The following CCDC30 variants were observed in gnomAD, a reference collection of about 807,000 sequenced individuals.
The protein encoded by CCDC30 is coiled-coil domain-containing protein 30.
Under a neutral mutation model 100.2 loss-of-function variants are expected in CCDC30, and 70 were observed. The observed-to-expected ratio is 0.70, with a 90% CI of 0.58 to 0.85. The LOEUF (loss-of-function observed/expected upper bound fraction) is 0.85, where lower values mean the gene tolerates loss of function less well. CCDC30 is among the 40% of genes least tolerant of loss of function. The pLI, the probability that CCDC30 is intolerant of heterozygous loss-of-function variation, is 0.00. For missense variants in CCDC30, 652 were observed against 771.2 expected (o/e 0.85, Z 1.83); for synonymous variants, 233 against 269.5 (o/e 0.86, Z 1.33).
chr1:42,500,879 G>A (rs11805616), intron 6 of CCDC30, among the ~76,000 whole-genome samples: 57,601 of 151,892 alleles, frequency 0.38, 11,351 homozygotes, highest in East Asian at 0.59. Flanking sequence ...TGCATAAGCC[G>A]CTACACCTGG....
At chr1:42,574,706 A>G (rs1367838699) in intron 7 of CCDC30, among the ~76,000 whole-genome samples, 1 of 152,182 alleles carries the variant, frequency 6.6e-6, no homozygotes, top group Non-Finnish European at 1.5e-5. Flanking sequence ...TCAGACCTTG[A>G]TTCTATCATC....
chr1:42,650,477 C>A (rs911957774), intron 15 of CCDC30, among the ~76,000 whole-genome samples: 2 of 144,752 alleles, frequency 1.4e-5, no homozygotes, highest in Non-Finnish European at 3.0e-5. Context: ...CAGAACAAGA[C>A]CCTGTCTAAA....
At chr1:42,575,666 A>AAAAAAGAAG (rs1476216135) in intron 7 of CCDC30, among the ~76,000 whole-genome samples, 3 of 150,226 alleles carry the variant, frequency 2.0e-5, no homozygotes, top group Non-Finnish European at 4.5e-5. Context: ...AAAGAAGCAA[A>AAAAAAGAAG]CAAACAAAAA....
intron 3 of CCDC30, 87 bp downstream of exon 3, chr1:42,482,903 ACACTGAG>A: frequency 1.2e-6 from 1 of 858,508 alleles, no homozygotes; most frequent in Non-Finnish European, 1.5e-6. Context: ...AAAAAAAAAA[ACACTGAG>A]AAACAAGTCT....
intron 6 of CCDC30, among the ~76,000 whole-genome samples, chr1:42,549,661 T>A (rs1027046665): frequency 5.9e-5 from 9 of 152,192 alleles, no homozygotes; most frequent in Non-Finnish European, 1.0e-4. Flanking sequence ...TCTAGAACAA[T>A]GCCAGACACA....
At chr1:42,568,470 G>A (rs960414967) in intron 7 of CCDC30, among the ~76,000 whole-genome samples, 4 of 152,158 alleles carry the variant, frequency 2.6e-5, no homozygotes, top group South Asian at 2.1e-4. Context: ...AGCACTTTAT[G>A]GATGAGGAAA....
chr1:42,518,411 G>A (rs1416714895), intron 6 of CCDC30, among the ~76,000 whole-genome samples: 1 of 152,156 alleles, frequency 6.6e-6, no homozygotes, highest in African/African-American at 2.4e-5. Flanking sequence ...TGCAAACAGA[G>A]ATATCGTTAT....
chr1:42,610,888 T>C (rs77804103), intron 10 of CCDC30, 90 bp from the exon 15 acceptor site: 2 of 515,110 alleles, frequency 3.9e-6, no homozygotes, highest in South Asian at 5.7e-5. Flanking sequence ...TATAAGCTTT[T>C]TTTTTTTTTT....
At chr1:42,628,872 A>G (rs1374164437) in intron 11 of CCDC30, among the ~76,000 whole-genome samples, 1 of 152,232 alleles carries the variant, frequency 6.6e-6, no homozygotes, top group Non-Finnish European at 1.5e-5. Context: ...TAACGTGATT[A>G]CAACTTAATA....
intron 6 of CCDC30, chr1:42,545,527 C>A (rs757929731): frequency 6.2e-7 from 1 of 1,604,348 alleles, no homozygotes; most frequent in Admixed American, 1.7e-5. Flanking sequence ...ATCTAATGAA[C>A]CAATTTTGGA....
chr1:42,525,440 A>G (rs1293771334), intron 6 of CCDC30, among the ~76,000 whole-genome samples: 3 of 152,072 alleles, frequency 2.0e-5, no homozygotes, highest in African/African-American at 7.2e-5. Context: ...TCACTCATTT[A>G]AAGTGTTGAA....
chr1:42,458,961 T>A (rs1281898555), upstream of CCDC30, among the ~76,000 whole-genome samples: 1 of 152,216 alleles, frequency 6.6e-6, no homozygotes, highest in Non-Finnish European at 1.5e-5. Flanking sequence ...TTCTGCCAAA[T>A]ATTTGTATGA....
chr1:42,502,207 T>G (rs555903616), intron 6 of CCDC30, among the ~76,000 whole-genome samples: 10 of 152,268 alleles, frequency 6.6e-5, no homozygotes, highest in African/African-American at 1.4e-4. Context: ...GATCTCAGAC[T>G]GCTGTGCTAG....
intron 6 of CCDC30, among the ~76,000 whole-genome samples, chr1:42,545,044 C>T (rs1645094307): frequency 6.7e-6 from 1 of 148,902 alleles, no homozygotes. Flanking sequence ...AACTTGAAAA[C>T]AAAAATGTGT....
chr1:42,653,199 G>A (rs984187688), intron 15 of CCDC30, among the ~76,000 whole-genome samples, 177 bp from the exon 20 acceptor site: 4 of 151,916 alleles, frequency 2.6e-5, no homozygotes, highest in African/African-American at 9.7e-5. Context: ...ATATAGATAG[G>A]TTATATATAT....
intron 11 of CCDC30, among the ~76,000 whole-genome samples, chr1:42,634,555 T>C (rs921739513): frequency 1.3e-5 from 2 of 152,224 alleles, no homozygotes; most frequent in African/African-American, 4.8e-5. Context: ...TCTTTTTGTT[T>C]GTATCGCACT....
Position 42,545,489 on chromosome 1 carries a change from C to A in CCDC30, c.457-20807C>A, listed in dbSNP as rs370695814. On this transcript the variant is annotated intron_variant, in intron 6 of 16. Transcript: ENST00000668663. ...AAAACTGCACCTTCTAATTTAATTA[C>A]AAGTGAAAATACCTGTAAAGATCCT... 45 of 1,603,658 alleles carry A rather than the reference C, an allele frequency of 2.8e-5. No individual in the cohort carries two copies. The highest frequency in any genetic ancestry group is 3.6e-5 in the Non-Finnish European group (42 of 1,176,230).
intron 11 of CCDC30, among the ~76,000 whole-genome samples, chr1:42,611,740 G>C (rs1028689330): frequency 6.6e-6 from 1 of 151,920 alleles, no homozygotes; most frequent in Admixed American, 6.6e-5. Flanking sequence ...GGAGTGTCAC[G>C]ATCACAACTC....
At chr1:42,542,244 TAC>T (rs1008236776) in intron 6 of CCDC30, among the ~76,000 whole-genome samples, 1 of 152,238 alleles carries the variant, frequency 6.6e-6, no homozygotes, top group Non-Finnish European at 1.5e-5. Context: ...ACTTAAGATA[TAC>T]ACTACTTTGT....
Sources: allele counts gnomAD v4.1 joint callset (sites outside exome capture counted in the v4.1 genomes callset), GRCh38; gene constraint gnomAD v4.1.1; transcripts MANE v1.5; gene names NCBI Gene and HGNC (gene_info 2026-07-23, HGNC 2026-07-21).